Variants in COMMD10 observed in about 807,000 individuals in gnomAD.
COMMD10 encodes the protein COMM domain-containing protein 10.
A neutral mutation model predicts 28.9 loss-of-function variants in COMMD10; 33 were observed. The ratio of observed to expected loss-of-function variants is 1.14; its 90% CI spans 0.87 to 1.53. COMMD10 has a LOEUF of 1.53. COMMD10 is among the 40% of genes most tolerant of loss of function. COMMD10 has a pLI of 0.00. For missense variants in COMMD10, 310 were observed against 233.4 expected (o/e 1.33, Z -2.14); for synonymous variants, 110 against 81.7 (o/e 1.35, Z -1.87).
chr5:116,190,618 G>C (rs1489934771), intron 5 of COMMD10, among the ~76,000 whole-genome samples: 3 of 152,156 alleles, frequency 2.0e-5, no homozygotes, highest in Non-Finnish European at 4.4e-5. Flanking sequence ...GAATATAAAT[G>C]CTAAATCATC....
Position 116,134,186 on chromosome 5 carries a change from A to T in COMMD10, c.510+8A>T. Reference sequence around the variant, plus strand: ...AACAATGAAGATTCAAAGGTAAGAAATGGTATCCCATTAAAAGGATGTATT... The same window carrying T: ...AACAATGAAGATTCAAAGGTAAGAATTGGTATCCCATTAAAAGGATGTATT... On this transcript the variant is annotated splice_region_variant and intron_variant, in intron 5 of 6. Transcript: ENST00000274458. 1.4e-6 allele frequency: 2 copies of T among 1,451,396 alleles called. No homozygotes were observed. Among genetic ancestry groups the T allele is most frequent in the Non-Finnish European group, 1.9e-6 (2 of 1,030,936 alleles). The allele number at this position is 1,451,396 out of a possible 1,614,324, so 89.9% of individuals were successfully genotyped here. A position where few individuals can be genotyped will look rare whatever the true frequency, so the allele number is the denominator to read the frequency against.
At chr5:116,220,857 A>G (rs905175927) in intron 5 of COMMD10, among the ~76,000 whole-genome samples, 6 of 152,128 alleles carry the variant, frequency 3.9e-5, no homozygotes, top group African/African-American at 1.4e-4. Context: ...CTATAAACTT[A>G]TAAAATTAAT....
At chr5:116,175,279 G>A (rs1039092529) in intron 5 of COMMD10, among the ~76,000 whole-genome samples, 3 of 151,992 alleles carry the variant, frequency 2.0e-5, no homozygotes, top group Admixed American at 6.6e-5. Flanking sequence ...AAAAATTGCT[G>A]CAGCTCAGTG....
chr5:116,091,049 T>C (rs10065554), intron 2 of COMMD10, 30 bp from the exon 3 acceptor site: 823,033 of 1,345,072 alleles, frequency 0.61, 259,542 homozygotes, highest in Non-Finnish European at 0.66. Flanking sequence ...GAATATGTGC[T>C]AATATAATAG....
chr5:116,097,374 C>T (rs528714080), intron 4 of COMMD10, among the ~76,000 whole-genome samples: 25 of 152,088 alleles, frequency 1.6e-4, no homozygotes, highest in Non-Finnish European at 2.9e-4. Context: ...TTACAAAACC[C>T]ATTAATAGTT....
chr5:116,262,033 A>G (rs1642293532), intron 5 of COMMD10, among the ~76,000 whole-genome samples: 1 of 151,714 alleles, frequency 6.6e-6, no homozygotes, highest in African/African-American at 2.4e-5. Flanking sequence ...ACTTTCAGAT[A>G]AAGAAGGTAA....
chr5:116,087,556 T>C lies in COMMD10; in HGVS notation c.101T>C (p.Leu34Pro). The C allele has an allele frequency of 4.3e-6, 7 of 1,611,974 alleles. No homozygotes were observed. The highest frequency in any genetic ancestry group is 5.9e-6 in the Non-Finnish European group (7 of 1,177,986). ...GATACAGGAAGATTTCCACGGTTGC[T>C]CACTCGGATTCTTCAAAAACTTCAC... Reference protein sequence around the residue: ...AIDTGRFPRLLTRILQKLHLK... With the variant: ...AIDTGRFPRLPTRILQKLHLK... The change falls in exon 2 of 7, where the codon CTC becomes CCC. Residue 34 changes from leucine (L) to proline (P), a missense_variant. Transcript: ENST00000274458.
intron 5 of COMMD10, among the ~76,000 whole-genome samples, chr5:116,183,374 G>T (rs1748038270): frequency 2.0e-5 from 3 of 151,972 alleles, no homozygotes; most frequent in South Asian, 2.1e-4. Flanking sequence ...TGAAAATCTG[G>T]GTTTAGCTAG....
chr5:116,140,648 T>G (rs1308444501), intron 5 of COMMD10, among the ~76,000 whole-genome samples: 4 of 151,922 alleles, frequency 2.6e-5, no homozygotes, highest in Non-Finnish European at 5.9e-5. Context: ...TCATTTTGGT[T>G]TTGTTTGCAT....
intron 4 of COMMD10, among the ~76,000 whole-genome samples, chr5:116,123,139 T>C (rs1488889548): frequency 6.6e-6 from 1 of 152,108 alleles, no homozygotes; most frequent in African/African-American, 2.4e-5. Flanking sequence ...CTTATTATTT[T>C]GAGATAATCA....
chr5:116,175,832 G>C (rs1753491317), intron 5 of COMMD10, among the ~76,000 whole-genome samples: 1 of 152,094 alleles, frequency 6.6e-6, no homozygotes, highest in Non-Finnish European at 1.5e-5. Context: ...CAAATTCATA[G>C]AGACAGAAAG....
At chr5:116,179,543 C>T (rs1361680648) in intron 5 of COMMD10, among the ~76,000 whole-genome samples, 1 of 151,960 alleles carries the variant, frequency 6.6e-6, no homozygotes, top group Non-Finnish European at 1.5e-5. Context: ...AAGAGCTGTT[C>T]CACAATGGAA....
intron 5 of COMMD10, among the ~76,000 whole-genome samples, chr5:116,264,220 A>G (rs1419375809): frequency 6.6e-6 from 1 of 151,766 alleles, no homozygotes; most frequent in Middle Eastern, 3.2e-3. Context: ...TAGTGATTAA[A>G]GTACAGGCCT....
At chr5:116,108,220 C>G (rs1750907906) in intron 4 of COMMD10, among the ~76,000 whole-genome samples, 2 of 152,234 alleles carry the variant, frequency 1.3e-5, no homozygotes, top group Admixed American at 6.5e-5. Flanking sequence ...AGATCCACTG[C>G]TCTCTCCAGA....
At chr5:116,247,768 C>T (rs1238904403) in intron 5 of COMMD10, among the ~76,000 whole-genome samples, 1 of 151,956 alleles carries the variant, frequency 6.6e-6, no homozygotes, top group Non-Finnish European at 1.5e-5. Context: ...GATGAGAACA[C>T]ATGGATACAT....
rs1749154724 is a variant in COMMD10, at chr5:116,218,214, A to T, written c.511-73303A>T. ...TTTGGAGAAGCAGGTTTAGCGGACA[A>T]CCTTGCAGATCTTCTCTGTGGTTCG... On this transcript the variant is annotated intron_variant, in intron 5 of 6. Coordinates refer to ENST00000274458, the MANE Select transcript of COMMD10 (RefSeq NM_016144.4). 3 of 762,186 alleles carry T rather than the reference A, an allele frequency of 3.9e-6. No individual in the cohort carries two copies. The South Asian group carries it at 4.0e-5, about 10-fold the overall frequency. The allele number at this position is 762,186 out of a possible 1,614,324, so 47.2% of individuals were successfully genotyped here. A position where few individuals can be genotyped will look rare whatever the true frequency, so the allele number is the denominator to read the frequency against.
At position 116,100,109 on chromosome 5, in the gene COMMD10, A is replaced by T. The variant is rs151015970; in HGVS notation, c.399+7409A>T. 1.3e-4 allele frequency among the ~76,000 whole-genome samples: 20 copies of T among 152,314 alleles called. No individual in the cohort carries two copies. The East Asian group carries it at 2.9e-3, about 22-fold the overall frequency. ...AACAAAGTTTTGACTGTGACCTGTC[A>T]TATGAGATCAGGTGGGAAATTTTCT... On this transcript the variant is annotated intron_variant, in intron 4 of 6. Coordinates refer to ENST00000274458, the MANE Select transcript of COMMD10 (RefSeq NM_016144.4).
intron 5 of COMMD10, among the ~76,000 whole-genome samples, chr5:116,282,662 C>G (rs572302805): frequency 6.6e-6 from 1 of 152,016 alleles, no homozygotes; most frequent in East Asian, 1.9e-4. Context: ...TTGGTTTCTT[C>G]TAAAGCATCT....
At chr5:116,238,732 T>C (rs1473447818) in intron 5 of COMMD10, among the ~76,000 whole-genome samples, 1 of 152,162 alleles carries the variant, frequency 6.6e-6, no homozygotes, top group Non-Finnish European at 1.5e-5. Context: ...CTCATACTCC[T>C]TATATGGGGT....
Sources: allele counts gnomAD v4.1 joint callset (sites outside exome capture counted in the v4.1 genomes callset), GRCh38; gene constraint gnomAD v4.1.1; transcripts MANE v1.5; gene names NCBI Gene and HGNC (gene_info 2026-07-23, HGNC 2026-07-21).